The following NPAT variants were observed in gnomAD, a reference collection of about 807,000 sequenced individuals.
NPAT encodes protein NPAT.
NPAT carries 52 observed loss-of-function variants against 130.7 expected under a neutral mutation model. The observed-to-expected ratio is 0.40, with a 90% CI of 0.32 to 0.50. The LOEUF (loss-of-function observed/expected upper bound fraction) is 0.50, where lower values mean the gene tolerates loss of function less well. NPAT is among the 20% of genes least tolerant of loss of function. The pLI is 0.68. For synonymous variants in NPAT, 580 were observed against 584.8 expected, an observed-to-expected ratio of 0.99 and a Z score of 0.12; for missense variants, 1,687 against 1,662.6, an observed-to-expected ratio of 1.01 and a Z score of -0.26.
chr11:108,198,392 T>C (rs1430032386), intron 1 of NPAT, among the ~76,000 whole-genome samples: 1 of 152,158 alleles, frequency 6.6e-6, no homozygotes, highest in East Asian at 1.9e-4. Context: ...CAATTTTAAA[T>C]AAGTTGGAAA....
chr11:108,213,229 C>T (rs750759984), intron 1 of NPAT, among the ~76,000 whole-genome samples: 99 of 147,296 alleles, frequency 6.7e-4, no homozygotes, highest in Admixed American at 1.6e-3. Context: ...GCCAAGATTG[C>T]GCCATTGCAC....
chr11:108,189,193 C>T lies in NPAT; in HGVS notation c.469G>A (p.Val157Ile). 6.2e-7 allele frequency: 1 copy of T among 1,614,126 alleles called. No homozygotes were observed. Among genetic ancestry groups the T allele is most frequent in the Non-Finnish European group, 8.5e-7 (1 of 1,180,012 alleles). The part of the protein sequence containing the change: ...FTTPPSTGTQ[V>I]TRPSGQISDP... The stretch of plus-strand genomic sequence containing the variant: ...GAAATTTGGCCACTTGGTCGAGTAA[C>T]CTGTGTACCTGTGGAAGGAGGAGTG... Residue 157 changes from valine (V) to isoleucine (I), a missense_variant, in exon 6 of 18, where the codon GTT becomes ATT. Physicochemically the swap from Val to Ile is conservative, Grantham distance 29 (BLOSUM62 3). Around this residue, in one of 3 missense-constraint regions of NPAT, gnomAD observed 307 missense variants for 298.9 expected, o/e 1.03. Transcript: ENST00000278612.
chr11:108,218,699 G>T (rs993483502), intron 1 of NPAT, among the ~76,000 whole-genome samples: 1 of 152,260 alleles, frequency 6.6e-6, no homozygotes, highest in Non-Finnish European at 1.5e-5. Context: ...TGGAAATTAT[G>T]TGATGTTTGA....
At chr11:108,165,491 G>A (rs966567430) in intron 15 of NPAT, among the ~76,000 whole-genome samples, 2 of 143,978 alleles carry the variant, frequency 1.4e-5, no homozygotes, top group African/African-American at 5.2e-5. Flanking sequence ...TTGTGATAGG[G>A]TCTTGCTCTA....
rs146828192 is a variant in NPAT, at chr11:108,174,366, C to T, written c.1133-515G>A. ...ATTGTGTACTGTTTAACATTAAACACATATTTACTGAAGACCAACCATACT... is the reference window on the plus strand; with the variant it reads ...ATTGTGTACTGTTTAACATTAAACATATATTTACTGAAGACCAACCATACT... On this transcript the variant is annotated intron_variant, in intron 12 of 17. Coordinates refer to ENST00000278612, the MANE Select transcript of NPAT (RefSeq NM_002519.3). 2.3e-3 allele frequency among the ~76,000 whole-genome samples: 355 copies of T among 152,156 alleles called. 1 individual carries two copies. Among genetic ancestry groups the T allele is most frequent in the African/African-American group, 7.9e-3 (329 of 41,488 alleles).
At chr11:108,206,634 C>A (rs553843080) in intron 1 of NPAT, among the ~76,000 whole-genome samples, 2 of 152,268 alleles carry the variant, frequency 1.3e-5, no homozygotes, top group African/African-American at 2.4e-5. Context: ...TAGGTCTGGG[C>A]TCCCCAAAGG....
At chr11:108,182,529 ACT>A (rs1381397169) in intron 10 of NPAT, among the ~76,000 whole-genome samples, 1 of 152,134 alleles carries the variant, frequency 6.6e-6, no homozygotes, top group Non-Finnish European at 1.5e-5. Context: ...ACGGAGTCTC[ACT>A]CTGTCGCCTA....
rs774947305 is a variant in NPAT at position 108,161,781 on chromosome 11, T to C, written c.3305A>G (p.Asn1102Ser). 56 of 1,613,860 alleles carry C rather than the reference T, an allele frequency of 3.5e-5. No homozygotes were observed. The highest frequency in any genetic ancestry group is 5.0e-5 in the Admixed American group (3 of 59,996). Residue 1102 changes from asparagine (N) to serine (S), a missense_variant, in exon 17 of 18, where the codon AAT becomes AGT. Asn to Ser is a conservative substitution (Grantham distance 46). This residue lies in a region of NPAT where 1,379 missense variants were observed against 1,346.6 expected (regional missense o/e 1.02). Transcript: ENST00000278612. ...AVSFPNLDSPNVSSTLKPPSN... is the reference protein window; with the variant it reads ...AVSFPNLDSPSVSSTLKPPSN... ...AGGGGGTTTTAAGGTGGAGGACACA[T>C]TGGGTGAGTCAAGATTAGGAAAAGA...
chr11:108,213,480 T>G (rs1206286558), intron 1 of NPAT, among the ~76,000 whole-genome samples: 1 of 152,160 alleles, frequency 6.6e-6, no homozygotes, highest in Non-Finnish European at 1.5e-5. Flanking sequence ...TACTAAAAAC[T>G]GGAAAACGTC....
chr11:108,211,422 G>A (rs2078382644), intron 1 of NPAT, among the ~76,000 whole-genome samples: 1 of 151,800 alleles, frequency 6.6e-6, no homozygotes, highest in African/African-American at 2.4e-5. Flanking sequence ...GTGCACCTGT[G>A]GTCCCAGCTA....
chr11:108,220,490 C>G (rs2078473090), intron 1 of NPAT, among the ~76,000 whole-genome samples: 1 of 152,018 alleles, frequency 6.6e-6, no homozygotes, highest in Non-Finnish European at 1.5e-5. Context: ...CTTAACTTCT[C>G]TATGTTCAGC....
rs571718179 is a variant in NPAT at position 108,189,309 on chromosome 11, G to A, written c.353C>T (p.Ala118Val). 196 of 1,614,026 alleles carry A rather than the reference G, an allele frequency of 1.2e-4. No individual in the cohort carries two copies. Among genetic ancestry groups the A allele is most frequent in the Non-Finnish European group, 1.6e-4 (188 of 1,180,026 alleles). Reference protein sequence around the residue: ...SQRARTRTGIAEIKRQRKLAS... With the variant: ...SQRARTRTGIVEIKRQRKLAS... ...AAGCTTTCTCTGCCGTTTGATTTCT[G>A]CAATTCCAGTTCTCGTTCGGGCTGA... The change falls in exon 6 of 18, where the codon GCA becomes GTA. Residue 118 changes from alanine to valine, a missense_variant. Ala to Val is a moderately conservative substitution (Grantham distance 64). Coordinates refer to ENST00000278612, the MANE Select transcript of NPAT (RefSeq NM_002519.3).
intron 8 of NPAT, 80 bp from the exon 9 acceptor site, chr11:108,185,574 GA>G (rs1363102835): frequency 1.1e-6 from 1 of 943,088 alleles, no homozygotes; most frequent in African/African-American, 1.6e-5. Context: ...AGAACAAACC[GA>G]TAAGAGCTGG....
chr11:108,206,389 T>A (rs1427863402), intron 1 of NPAT, among the ~76,000 whole-genome samples: 7 of 152,136 alleles, frequency 4.6e-5, no homozygotes, highest in Non-Finnish European at 1.0e-4. Context: ...GAGCCAGGCA[T>A]GAAGCAGTGA....
At chr11:108,219,900 T>C (rs2078467834) in intron 1 of NPAT, among the ~76,000 whole-genome samples, 1 of 152,218 alleles carries the variant, frequency 6.6e-6, no homozygotes, top group African/African-American at 2.4e-5. Flanking sequence ...ATGGCAACAT[T>C]TAAGAAGTAC....
At chr11:108,164,121 G>A (rs2077878806) in intron 15 of NPAT, among the ~76,000 whole-genome samples, 1 of 152,200 alleles carries the variant, frequency 6.6e-6, no homozygotes, top group Non-Finnish European at 1.5e-5. Context: ...AGAAAGTGAA[G>A]TTTAATACTG....
At chr11:108,204,766 C>T (rs1396622985) in intron 1 of NPAT, among the ~76,000 whole-genome samples, 1 of 152,186 alleles carries the variant, frequency 6.6e-6, no homozygotes, top group Non-Finnish European at 1.5e-5. Context: ...CATTCGCTGC[C>T]TTGTGGATGG....
intron 6 of NPAT, 147 bp downstream of exon 6, chr11:108,188,959 T>C (rs1288922394): frequency 2.9e-6 from 2 of 689,472 alleles, no homozygotes; most frequent in Non-Finnish European, 5.1e-6. Context: ...TTATAGCAAA[T>C]CTAGAAGTCT....
At chr11:108,180,505 C>T (rs1465822545) in intron 10 of NPAT, among the ~76,000 whole-genome samples, 1 of 152,144 alleles carries the variant, frequency 6.6e-6, no homozygotes. Flanking sequence ...AGTGAGATAT[C>T]ACCTGACACC....
Sources: gnomAD v4.1 joint callset for allele counts (sites outside exome capture counted in the v4.1 genomes callset) on GRCh38, gnomAD v4.1.1 for gene constraint, gnomAD v4.1.1 regional missense constraint, MANE v1.5 for transcripts, NCBI Gene and HGNC (gene_info 2026-07-23, HGNC 2026-07-21) for gene names.